Variants in AK5 observed in about 807,000 individuals in gnomAD.
AK5 encodes adenylate kinase isoenzyme 5.
A neutral mutation model predicts 69.5 loss-of-function variants in AK5; 27 were observed. The ratio of observed to expected loss-of-function variants is 0.39; its 90% CI spans 0.29 to 0.54. The LOEUF (loss-of-function observed/expected upper bound fraction) is 0.54, where lower values mean the gene tolerates loss of function less well. Ranked by LOEUF, AK5 falls within the 20% of genes least tolerant of loss-of-function variation. AK5 has a pLI of 0.71. For synonymous variants in AK5, 260 were observed against 244.4 expected (o/e 1.06, Z -0.60); for missense variants, 531 against 700.4 (o/e 0.76, Z 2.73).
intron 6 of AK5, among the ~76,000 whole-genome samples, chr1:77,373,427 G>T (rs762343213): frequency 2.6e-5 from 4 of 152,142 alleles, no homozygotes; most frequent in African/African-American, 9.7e-5. Flanking sequence ...GTGAATATGT[G>T]AATTAACATA....
intron 2 of AK5, among the ~76,000 whole-genome samples, chr1:77,292,716 T>G (rs574165901): frequency 1.3e-5 from 2 of 152,318 alleles, no homozygotes; most frequent in East Asian, 3.9e-4. Flanking sequence ...TCAGAGTCTT[T>G]GTACTGTTCC....
At chr1:77,349,411 A>C (rs888881837) in intron 6 of AK5, 2 of 152,236 alleles carry the variant, frequency 1.3e-5, no homozygotes, top group Non-Finnish European at 2.9e-5. Flanking sequence ...AAACGAAAGC[A>C]CATGAAAGTG....
intron 6 of AK5, among the ~76,000 whole-genome samples, chr1:77,363,720 T>G (rs537059334): frequency 3.7e-4 from 56 of 152,252 alleles, no homozygotes; most frequent in South Asian, 8.3e-4. Context: ...TCTGCTTCCA[T>G]GCTGTGCCCT....
chr1:77,445,731 C>A (rs1652709898), intron 8 of AK5, among the ~76,000 whole-genome samples: 1 of 152,016 alleles, frequency 6.6e-6, no homozygotes, highest in Non-Finnish European at 1.5e-5. Context: ...ATTACAGGCA[C>A]CTGCCACCAT....
At chr1:77,518,500 G>T in intron 10 of AK5, 64 bp from the exon 11 acceptor site, 2 of 1,550,218 alleles carry the variant, frequency 1.3e-6, no homozygotes, top group South Asian at 1.2e-5. Context: ...TCACCATGGT[G>T]ACTACCATTA....
chr1:77,429,513 A>C (rs1651450789), intron 8 of AK5, among the ~76,000 whole-genome samples: 1 of 152,200 alleles, frequency 6.6e-6, no homozygotes, highest in Admixed American at 6.5e-5. Context: ...ATTGGTGGGC[A>C]AAAGATGGCA....
intron 12 of AK5, among the ~76,000 whole-genome samples, chr1:77,531,013 G>A (rs1458890976): frequency 6.6e-6 from 1 of 152,142 alleles, no homozygotes; most frequent in Non-Finnish European, 1.5e-5. Context: ...GATGAGTGTG[G>A]TCCTGTGTCC....
At chr1:77,321,683 A>G (rs72679513) in intron 5 of AK5, among the ~76,000 whole-genome samples, 10,114 of 152,206 alleles carry the variant, frequency 0.066, 470 homozygotes, top group East Asian at 0.2. Context: ...CTGCCCCCTA[A>G]TATTGGGAAT....
intron 6 of AK5, among the ~76,000 whole-genome samples, chr1:77,347,337 A>C (rs1165218391): frequency 3.9e-5 from 6 of 152,182 alleles, no homozygotes; most frequent in African/African-American, 1.4e-4. Context: ...TGACTGGAAT[A>C]AAGAGCAGCT....
intron 10 of AK5, among the ~76,000 whole-genome samples, chr1:77,506,237 TTGG>T (rs1358288900): frequency 6.6e-6 from 1 of 151,776 alleles, no homozygotes; most frequent in Admixed American, 6.6e-5. Context: ...GGTTGGTTGG[TTGG>T]TTGGTTGGTT....
rs558613374 is a variant in AK5 at position 77,531,270 on chromosome 1, C to T, written c.1429-4577C>T. ...AAGAGTGAGCAGTAGCAAGATTTACCGCAAAGAGCAAAAGAACAAAGCTTC... is the reference window on the plus strand; with the variant it reads ...AAGAGTGAGCAGTAGCAAGATTTACTGCAAAGAGCAAAAGAACAAAGCTTC... On this transcript the variant is annotated intron_variant, in intron 12 of 13. Coordinates refer to ENST00000354567, the MANE Select transcript of AK5 (RefSeq NM_174858.3). Among the ~76,000 whole-genome samples, 15 of 152,246 alleles carry T rather than the reference C, an allele frequency of 9.9e-5. No homozygotes were observed. The South Asian group carries it at 1.0e-3, about 11-fold the overall frequency.
In AK5 at chr1:77,393,024, C is replaced by T. The variant is rs912238914; in HGVS notation, c.892-17957C>T. Among the ~76,000 whole-genome samples, 5 of 152,222 alleles carry T rather than the reference C, an allele frequency of 3.3e-5. 1 individual carries two copies. In the South Asian group the frequency reaches 1.0e-3, roughly 32 times the overall value. Reference sequence around the variant, plus strand: ...CACAGCTCACTGCAGTCTCGACCTTCTGGGCTCAATCAGTCTTCCGACCTC... The same window carrying T: ...CACAGCTCACTGCAGTCTCGACCTTTTGGGCTCAATCAGTCTTCCGACCTC... On this transcript the variant is annotated intron_variant, in intron 6 of 13. Transcript: ENST00000354567.
chr1:77,329,793 C>G (rs1660992679), intron 5 of AK5, among the ~76,000 whole-genome samples: 1 of 152,124 alleles, frequency 6.6e-6, no homozygotes, highest in Non-Finnish European at 1.5e-5. Context: ...CCTAATTTCA[C>G]CCCCAGTCTC....
At chr1:77,440,461 T>TG (rs976922585) in intron 8 of AK5, among the ~76,000 whole-genome samples, 2 of 152,174 alleles carry the variant, frequency 1.3e-5, no homozygotes, top group Non-Finnish European at 2.9e-5. Context: ...GAGGACTTTT[T>TG]GGGTTGAATC....
At chr1:77,316,366 A>G (rs1660244785) in intron 5 of AK5, among the ~76,000 whole-genome samples, 1 of 151,888 alleles carries the variant, frequency 6.6e-6, no homozygotes, top group Non-Finnish European at 1.5e-5. Flanking sequence ...TTCCTCTAGG[A>G]TCTGTAATTT....
At chr1:77,514,657 G>A (rs997030214) in intron 10 of AK5, among the ~76,000 whole-genome samples, 3 of 152,192 alleles carry the variant, frequency 2.0e-5, no homozygotes, top group African/African-American at 4.8e-5. Context: ...TTGCTCCCAC[G>A]AAAGTTTCTA....
chr1:77,461,033 A>ATT (rs76222124), intron 8 of AK5, among the ~76,000 whole-genome samples: 249 of 135,248 alleles, frequency 1.8e-3, no homozygotes, highest in Middle Eastern at 8.4e-3. Context: ...TGTATGTGAA[A>ATT]TTTTTTTTTT....
rs553803269 is a variant in AK5 at position 77,302,986 on chromosome 1, G to A, written c.699+5039G>A. Among the ~76,000 whole-genome samples the A allele has an allele frequency of 7.3e-5, 11 of 151,716 alleles. 1 individual carries two copies. In the South Asian group the frequency reaches 8.3e-4, roughly 11 times the overall value. On this transcript the variant is annotated intron_variant, in intron 5 of 13. Transcript: ENST00000354567. ...CTTACTACCCAAGCAAATCAATGTC[G>A]CATGTTTTAGTTTTTTTGATATAGT...
chr1:77,362,129 ATGTT>A (rs1646876352), intron 6 of AK5, among the ~76,000 whole-genome samples: 1 of 152,168 alleles, frequency 6.6e-6, no homozygotes, highest in South Asian at 2.1e-4. Context: ...TAGGAAATAA[ATGTT>A]TGTTGGATTT....
Sources: gnomAD v4.1 joint callset for allele counts (sites outside exome capture counted in the v4.1 genomes callset) on GRCh38, gnomAD v4.1.1 for gene constraint, MANE v1.5 for transcripts, NCBI Gene and HGNC (gene_info 2026-07-23, HGNC 2026-07-21) for gene names.